MTMR10: variants seen among roughly 807,000 people sequenced by gnomAD.
The protein encoded by MTMR10 is myotubularin-related protein 10.
Under a neutral mutation model 88.1 loss-of-function variants are expected in MTMR10, and 56 were observed. The ratio of observed to expected loss-of-function variants is 0.64; its 90% CI spans 0.51 to 0.79. The LOEUF (loss-of-function observed/expected upper bound fraction) is 0.79, where lower values mean the gene tolerates loss of function less well. MTMR10 is among the 30% of genes least tolerant of loss of function. The probability of loss-of-function intolerance (pLI) is 0.00; values close to 1 mark genes in which losing one functional copy is unlikely to be tolerated. For missense variants in MTMR10, 883 were observed against 924.7 expected, an observed-to-expected ratio of 0.95 and a Z score of 0.58; for synonymous variants, 380 against 340.9, an observed-to-expected ratio of 1.11 and a Z score of -1.26.
At chr15:30,977,110 G>A (rs765163254) in intron 2 of MTMR10, among the ~76,000 whole-genome samples, 155 bp from the exon 3 acceptor site, 37 of 152,196 alleles carry the variant, frequency 2.4e-4, no homozygotes, top group Non-Finnish European at 3.7e-4. Flanking sequence ...TGGTCATAAA[G>A]TGAATAGTAA....
rs753197299 is a variant in MTMR10, at chr15:30,941,499, A to ACAAC, written c.2301_2304dup (p.Ser769ValfsTer4). The ACAAC allele has an allele frequency of 6.2e-7, 1 of 1,611,388 alleles. No individual in the cohort carries two copies. Among genetic ancestry groups the ACAAC allele is most frequent in the African/African-American group, 1.3e-5 (1 of 74,858 alleles). On this transcript the variant is annotated frameshift_variant, in exon 16 of 16. Transcript: ENST00000435680. LOFTEE classifies it high-confidence loss of function. The stretch of plus-strand genomic sequence containing the variant: ...TCTTCATTTGCTAATGTCTCAGTAG[A>ACAAC]CAACCATATTTTGGCCCCACTTAAA...
At chr15:30,942,862 A>C (rs1273074595) in intron 15 of MTMR10, 28 bp downstream of exon 15, 2 of 1,541,740 alleles carry the variant, frequency 1.3e-6, no homozygotes, top group Non-Finnish European at 1.8e-6. Flanking sequence ...GTGTGAGCCA[A>C]CATCACGTTT....
the MTMR10 span, among the ~76,000 whole-genome samples, chr15:30,931,841 T>C: frequency 6.6e-6 from 1 of 152,190 alleles, no homozygotes; most frequent in African/African-American, 2.4e-5. Flanking sequence ...GTGTAAGTCC[T>C]ATAATGACTT....
chr15:30,989,725 G>A (rs1407322612), intron 2 of MTMR10, among the ~76,000 whole-genome samples: 4 of 149,000 alleles, frequency 2.7e-5, no homozygotes, highest in Admixed American at 1.3e-4. Flanking sequence ...TGGGACTACA[G>A]GCGCCCGCCA....
Position 30,941,126 on chromosome 15 carries a change from G to A in MTMR10, c.*344C>T. 1 of 1,267,676 alleles carries A rather than the reference G, an allele frequency of 7.9e-7. No individual in the cohort carries two copies. The highest frequency in any genetic ancestry group is 1.0e-6 in the Non-Finnish European group (1 of 982,858). 78.5% of individuals were successfully genotyped at this position (1,267,676 alleles called of 1,614,324 possible). A position where few individuals can be genotyped will look rare whatever the true frequency, so the allele number is the denominator to read the frequency against. On this transcript the variant is annotated 3_prime_UTR_variant, in exon 16 of 16. Transcript: ENST00000435680. ...ACACAAATTTCCTAACTTTCCTGTT[G>A]TCTGCTGCCTGGGGCTGCTAATGTG...
In MTMR10 at chr15:30,948,408, T is replaced by C. The variant is rs1473108287; in HGVS notation, c.1271A>G (p.Tyr424Cys). Residue 424 changes from tyrosine to cysteine, a missense_variant, in exon 13 of 16, where the codon TAT becomes TGT. Physicochemically the swap from Tyr to Cys is radical, Grantham distance 194. Transcript: ENST00000435680. ...ASLVQVMLDP[Y>C]FRTITGFQSL... ...CTGAAATCCAGTAATTGTCCTAAAA[T>C]AGGGATCCAGCATCACTTGAACAAG... 8 of 1,613,258 alleles carry C rather than the reference T, an allele frequency of 5.0e-6. No homozygotes were observed. Among genetic ancestry groups the C allele is most frequent in the Non-Finnish European group, 6.8e-6 (8 of 1,179,574 alleles).
intron 2 of MTMR10, among the ~76,000 whole-genome samples, chr15:30,982,319 T>C (rs998728964): frequency 3.9e-5 from 6 of 152,210 alleles, no homozygotes; most frequent in Non-Finnish European, 5.9e-5. Context: ...GGTTTCTCAG[T>C]TGAGCTAAAT....
chr15:30,954,483 A>G (rs1007861991), intron 10 of MTMR10, among the ~76,000 whole-genome samples: 10 of 152,222 alleles, frequency 6.6e-5, no homozygotes, highest in Non-Finnish European at 1.2e-4. Flanking sequence ...ACAGTGTTCT[A>G]CTCAGCAAAT....
intron 5 of MTMR10, among the ~76,000 whole-genome samples, chr15:30,972,907 G>A (rs1012525556): frequency 3.9e-5 from 6 of 152,096 alleles, no homozygotes; most frequent in Admixed American, 6.6e-5. Flanking sequence ...AAAGAGATCC[G>A]GTCAATTGCA....
chr15:30,964,316 A>G (rs1440416661), intron 6 of MTMR10, among the ~76,000 whole-genome samples: 1 of 152,256 alleles, frequency 6.6e-6, no homozygotes, highest in Non-Finnish European at 1.5e-5. Context: ...GCAGACTTTA[A>G]TAAGCTAGGC....
chr15:30,929,074 T>C, the MTMR10 span: 1 of 851,562 alleles, frequency 1.2e-6, no homozygotes, highest in Non-Finnish European at 1.8e-6. Flanking sequence ...CAATTAACTT[T>C]TACTTATCTT....
Position 30,939,728 on chromosome 15 carries a change from A to G in MTMR10, c.*1742T>C, listed in dbSNP as rs8029314. On this transcript the variant is annotated 3_prime_UTR_variant, in exon 16 of 16. Coordinates refer to ENST00000435680, the MANE Select transcript of MTMR10 (RefSeq NM_017762.3). ...CCAAAACATTTAGTAATAATAAAAA[A>G]GCAGCTAAATGAAAAAGGGAGAATT... is the stretch of plus-strand genomic sequence containing the variant. The G allele has an allele frequency of 5.4e-3, 5,256 of 981,022 alleles. 207 individuals carry two copies. The African/African-American group carries it at 0.084, about 16-fold the overall frequency. 60.8% of individuals were successfully genotyped at this position (981,022 alleles called of 1,614,324 possible). A position where few individuals can be genotyped will look rare whatever the true frequency, so the allele number is the denominator to read the frequency against.
chr15:30,919,373 C>G, the MTMR10 span, among the ~76,000 whole-genome samples: 7 of 100,538 alleles, frequency 7.0e-5, no homozygotes, highest in Non-Finnish European at 1.2e-4. Flanking sequence ...AGCAAAACTC[C>G]GTCTCAAAAA....
At chr15:30,961,781 A>G (rs34693097) in intron 6 of MTMR10, among the ~76,000 whole-genome samples, 40,395 of 151,248 alleles carry the variant, frequency 0.27, 5,900 homozygotes, top group Non-Finnish European at 0.33. Flanking sequence ...TGCTGCCTAG[A>G]TTTCCTCTCC....
rs755007542 is a variant in MTMR10 at position 30,948,351 on chromosome 15, C to G, written c.1328G>C (p.Gly443Ala). 2 of 1,613,816 alleles carry G rather than the reference C, an allele frequency of 1.2e-6. No homozygotes were observed. Among genetic ancestry groups the G allele is most frequent in the Non-Finnish European group, 8.5e-7 (1 of 1,179,826 alleles). The change falls in exon 13 of 16, where the codon GGA (glycine) becomes GCA (alanine). Residue 443 changes from glycine to alanine, a missense_variant. Gly to Ala is a moderately conservative substitution (Grantham distance 60). Coordinates refer to ENST00000435680, the MANE Select transcript of MTMR10 (RefSeq NM_017762.3). ...SLIQKEWVMA[G>A]YQFLDRCNHL... Reference sequence around the variant, plus strand: ...GTTGCATCTGTCTAGAAACTGATATCCTGCCATGACCCACTCCTTCTGTAT... The same window carrying G: ...GTTGCATCTGTCTAGAAACTGATATGCTGCCATGACCCACTCCTTCTGTAT...
the MTMR10 span, chr15:30,925,674 C>G: frequency 8.4e-7 from 1 of 1,190,510 alleles, no homozygotes; most frequent in Admixed American, 1.8e-5. Context: ...GCTGTGTGCT[C>G]TACTAAGTGA....
intron 14 of MTMR10, chr15:30,946,759 A>G: frequency 2.8e-6 from 2 of 702,976 alleles, no homozygotes; most frequent in Non-Finnish European, 5.2e-6. Flanking sequence ...CTTGTTTTGT[A>G]CAACTTTTTA....
chr15:30,989,504 T>C (rs1474342366), intron 2 of MTMR10, among the ~76,000 whole-genome samples: 1 of 152,192 alleles, frequency 6.6e-6, no homozygotes, highest in Non-Finnish European at 1.5e-5. Flanking sequence ...AAAATTCTAA[T>C]TATTTTACCG....
At chr15:30,947,626 TAACAA>T (rs1299486032) in intron 13 of MTMR10, among the ~76,000 whole-genome samples, 1 of 152,204 alleles carries the variant, frequency 6.6e-6, no homozygotes, top group Non-Finnish European at 1.5e-5. Flanking sequence ...TTAGATTATA[TAACAA>T]AACAAAACCA....
Sources: gnomAD v4.1 joint callset for allele counts (sites outside exome capture counted in the v4.1 genomes callset) on GRCh38, gnomAD v4.1.1 for gene constraint, MANE v1.5 for transcripts, NCBI Gene and HGNC (gene_info 2026-07-23, HGNC 2026-07-21) for gene names.